Variants in FSIP1 observed in about 807,000 individuals in gnomAD.
FSIP1 encodes fibrous sheath-interacting protein 1.
In FSIP1, 65 loss-of-function variants were observed where a neutral mutation model predicts 60.9. The observed-to-expected ratio is 1.07, with a 90% CI of 0.87 to 1.31. The LOEUF (loss-of-function observed/expected upper bound fraction) is 1.31. FSIP1 is among the 40% of genes most tolerant of loss of function. FSIP1 has a pLI of 0.00. For missense variants in FSIP1, 675 were observed against 665.5 expected (o/e 1.01, Z -0.16); for synonymous variants, 209 against 221.2 (o/e 0.94, Z 0.49).
At chr15:39,648,482 C>T (rs1370158001) in intron 10 of FSIP1, among the ~76,000 whole-genome samples, 3 of 152,172 alleles carry the variant, frequency 2.0e-5, no homozygotes, top group Non-Finnish European at 4.4e-5. Flanking sequence ...CCAGGTGATT[C>T]TCATCTGCCG....
intron 9 of FSIP1, among the ~76,000 whole-genome samples, chr15:39,723,065 G>A (rs1363845162): frequency 6.6e-5 from 10 of 152,248 alleles, no homozygotes; most frequent in African/African-American, 2.4e-4. Flanking sequence ...GCTGAGATCT[G>A]TGTCACTGTG....
intron 10 of FSIP1, among the ~76,000 whole-genome samples, chr15:39,701,160 T>A (rs552686693): frequency 1.2e-4 from 19 of 152,158 alleles, no homozygotes; most frequent in Admixed American, 9.2e-4. Flanking sequence ...TTAAAAAAAA[T>A]TTTTTAATGG....
At chr15:39,601,622 G>A (rs765630639) in intron 11 of FSIP1, among the ~76,000 whole-genome samples, 11 of 152,222 alleles carry the variant, frequency 7.2e-5, no homozygotes, top group South Asian at 2.1e-4. Flanking sequence ...AACATTATAT[G>A]TAATAGCCAA....
intron 10 of FSIP1, among the ~76,000 whole-genome samples, chr15:39,704,610 C>G (rs1167118415): frequency 6.6e-6 from 1 of 152,186 alleles, no homozygotes; most frequent in African/African-American, 2.4e-5. Flanking sequence ...AATCATTTAG[C>G]TGCTCAAGAC....
At chr15:39,777,410 C>G (rs1438375628) in intron 1 of FSIP1, among the ~76,000 whole-genome samples, 1 of 152,192 alleles carries the variant, frequency 6.6e-6, no homozygotes, top group Non-Finnish European at 1.5e-5. Context: ...GAGAACAAAA[C>G]CTACTTCCTT....
chr15:39,605,556 C>T (rs1055672171), intron 11 of FSIP1, among the ~76,000 whole-genome samples: 1 of 152,196 alleles, frequency 6.6e-6, no homozygotes, highest in African/African-American at 2.4e-5. Flanking sequence ...AGGAGACTTA[C>T]AACATGGAAT....
At chr15:39,645,563 A>AGCTGGAT (rs1892559994) in intron 10 of FSIP1, among the ~76,000 whole-genome samples, 1 of 151,728 alleles carries the variant, frequency 6.6e-6, no homozygotes, top group South Asian at 2.1e-4. Context: ...GAGCCACGGC[A>AGCTGGAT]CTGGTGGCTG....
chr15:39,621,829 T>C (rs1416102526), intron 10 of FSIP1, among the ~76,000 whole-genome samples: 1 of 152,248 alleles, frequency 6.6e-6, no homozygotes, highest in Non-Finnish European at 1.5e-5. Flanking sequence ...AATTTGCTTC[T>C]GGGTGCAATA....
intron 10 of FSIP1, among the ~76,000 whole-genome samples, chr15:39,638,804 G>A (rs953216934): frequency 2.7e-5 from 4 of 147,870 alleles, no homozygotes; most frequent in South Asian, 2.1e-4. Context: ...ATGTGGGTGC[G>A]TGTGTGGGTG....
chr15:39,601,486 C>T (rs1177166383), intron 11 of FSIP1, among the ~76,000 whole-genome samples: 1 of 152,200 alleles, frequency 6.6e-6, no homozygotes, highest in African/African-American at 2.4e-5. Flanking sequence ...GGTGCAGTAG[C>T]TTTAGAAACA....
intron 2 of FSIP1, among the ~76,000 whole-genome samples, chr15:39,772,152 C>T (rs1897910239): frequency 6.6e-6 from 1 of 152,134 alleles, no homozygotes; most frequent in South Asian, 2.1e-4. Flanking sequence ...CATAGTTTCC[C>T]ACCCCACTAG....
chr15:39,768,438 A>T (rs1188178632), intron 3 of FSIP1, among the ~76,000 whole-genome samples: 1 of 152,236 alleles, frequency 6.6e-6, no homozygotes, highest in Admixed American at 6.5e-5. Context: ...TTATTAATTC[A>T]CTTTCAAAAA....
At chr15:39,717,887 T>C (rs147375208) in intron 9 of FSIP1, among the ~76,000 whole-genome samples, 26 of 152,308 alleles carry the variant, frequency 1.7e-4, no homozygotes, top group Admixed American at 1.7e-3. Flanking sequence ...GCATGCCAAC[T>C]TTTCTCAGAT....
At chr15:39,715,289 A>G (rs552839300) in intron 9 of FSIP1, among the ~76,000 whole-genome samples, 1 of 152,196 alleles carries the variant, frequency 6.6e-6, no homozygotes, top group Non-Finnish European at 1.5e-5. Flanking sequence ...TTTTGGGCCC[A>G]GTTCAAGCAT....
chr15:39,639,345 C>T (rs1008570547), intron 10 of FSIP1, among the ~76,000 whole-genome samples: 1 of 152,096 alleles, frequency 6.6e-6, no homozygotes, highest in African/African-American at 2.4e-5. Flanking sequence ...TTTAACATGG[C>T]TCTTGTAGGT....
At chr15:39,698,928 TAAG>T (rs1894939736) in intron 10 of FSIP1, among the ~76,000 whole-genome samples, 1 of 152,148 alleles carries the variant, frequency 6.6e-6, no homozygotes, top group Admixed American at 6.5e-5. Context: ...TTTTCCAACT[TAAG>T]AAATTGGTCA....
At chr15:39,686,730 G>A (rs1306839367) in intron 10 of FSIP1, among the ~76,000 whole-genome samples, 1 of 152,190 alleles carries the variant, frequency 6.6e-6, no homozygotes, top group Admixed American at 6.5e-5. Context: ...AGTTTTAAAA[G>A]ATTTTTTAAA....
chr15:39,628,272 G>A lies in FSIP1; in HGVS notation c.1189-10027C>T, dbSNP rs117685038. On this transcript the variant is annotated intron_variant, in intron 10 of 11. Coordinates refer to ENST00000350221, the MANE Select transcript of FSIP1 (RefSeq NM_152597.5). The stretch of plus-strand genomic sequence containing the variant: ...CACTAGAGGGAGAATATGAATTGGA[G>A]CCAGGGAGAGAAAGCCAAGGTCACA... Among the ~76,000 whole-genome samples the A allele has an allele frequency of 2.6e-4, 40 of 152,326 alleles. No individual in the cohort carries two copies. The East Asian group carries it at 6.9e-3, about 26-fold the overall frequency.
At chr15:39,717,629 T>A (rs1039165607) in intron 9 of FSIP1, among the ~76,000 whole-genome samples, 1 of 152,202 alleles carries the variant, frequency 6.6e-6, no homozygotes, top group African/African-American at 2.4e-5. Context: ...GCCAAAACAA[T>A]ATAGGTATAA....
Sources: allele counts gnomAD v4.1 joint callset (sites outside exome capture counted in the v4.1 genomes callset), GRCh38; gene constraint gnomAD v4.1.1; transcripts MANE v1.5; gene names NCBI Gene and HGNC (gene_info 2026-07-23, HGNC 2026-07-21).